The following GAS2 variants were observed in gnomAD, a reference collection of about 807,000 sequenced individuals.
GAS2 encodes growth arrest specific 2, also known as growth arrest-specific protein 2.
GAS2 carries 20 observed loss-of-function variants against 37.5 expected under a neutral mutation model. The ratio of observed to expected loss-of-function variants is 0.53; its 90% confidence interval spans 0.37 to 0.77. The LOEUF is 0.77. Ranked by LOEUF, GAS2 falls within the 30% of genes least tolerant of loss-of-function variation. The pLI is 0.00. For synonymous variants in GAS2, 144 were observed against 132.2 expected, an observed-to-expected ratio of 1.09 and a Z score of -0.61; for missense variants, 336 against 373.4, an observed-to-expected ratio of 0.90 and a Z score of 0.82.
rs1857219731 is a variant in GAS2, at chr11:22,812,350, T to G, written c.*334T>G. The G allele has an allele frequency of 5.4e-6, 1 of 186,874 alleles. No individual in the cohort carries two copies. Among genetic ancestry groups the G allele is most frequent in the South Asian group, 1.3e-4 (1 of 7,774 alleles). 11.6% of individuals were successfully genotyped at this position (186,874 alleles called of 1,614,324 possible). On this transcript the variant is annotated 3_prime_UTR_variant, in exon 8 of 8. Coordinates refer to ENST00000454584, the MANE Select transcript of GAS2 (RefSeq NM_001143830.3). ...GGAGAAAACATTTAGGATTTGCAGA[T>G]AAGTCAACAGAAAGTGCCTGCTTTA...
At chr11:22,629,237 C>A (rs141995280) in intron 1 of GAS2, among the ~76,000 whole-genome samples, 117 of 152,246 alleles carry the variant, frequency 7.7e-4, no homozygotes, top group Middle Eastern at 3.4e-3. Context: ...TTCTTTGAGA[C>A]GTCTCCATAC....
chr11:22,685,750 G>A lies in GAS2; in HGVS notation c.228G>A (p.Glu76=). Residue 76 remains glutamate (E), a synonymous_variant, in exon 3 of 8, where the codon GAG becomes GAA. Transcript: ENST00000454584. ...GTCAACTTGCAGAAACTATGCAGGA[G>A]AAATTCAAGGAGAGCATGGATGCTA... ...LLCQLAETMQ[E]KFKESMDANK... 6.2e-7 allele frequency: 1 copy of A among 1,613,664 alleles called. No homozygotes were observed. The highest frequency in any genetic ancestry group is 8.5e-7 in the Non-Finnish European group (1 of 1,179,792).
intron 7 of GAS2, among the ~76,000 whole-genome samples, chr11:22,780,456 C>A (rs1239229916): frequency 6.6e-6 from 1 of 151,292 alleles, no homozygotes; most frequent in Non-Finnish European, 1.5e-5. Flanking sequence ...AATCGTGCCA[C>A]TGCACTCCAG....
At chr11:22,659,883 AGGAAGGAAGGGAGGG>A (rs1406421829) in intron 1 of GAS2, among the ~76,000 whole-genome samples, 1 of 93,730 alleles carries the variant, frequency 1.1e-5, no homozygotes, top group African/African-American at 4.9e-5. Flanking sequence ...GGAGGGAGGA[AGGAAGGAAGGGAGGG>A]AGGAAGGGAG....
intron 1 of GAS2, among the ~76,000 whole-genome samples, chr11:22,645,165 T>C (rs889393270): frequency 2.0e-5 from 3 of 151,958 alleles, no homozygotes; most frequent in Non-Finnish European, 4.4e-5. Context: ...ACTGAGAGAA[T>C]TGTAGGGTAG....
At chr11:22,763,971 C>T (rs369408475) in intron 7 of GAS2, among the ~76,000 whole-genome samples, 1 of 152,146 alleles carries the variant, frequency 6.6e-6, no homozygotes, top group Non-Finnish European at 1.5e-5. Flanking sequence ...ACTAAAGACA[C>T]TCTCATTTGT....
intron 1 of GAS2, among the ~76,000 whole-genome samples, chr11:22,655,600 T>C (rs1848845787): frequency 6.6e-6 from 1 of 152,240 alleles, no homozygotes; most frequent in Admixed American, 6.5e-5. Context: ...AAATTACCAA[T>C]TTTCTTTGGG....
chr11:22,802,306 TGTG>T (rs1328127256), intron 7 of GAS2, among the ~76,000 whole-genome samples: 1 of 151,562 alleles, frequency 6.6e-6, no homozygotes, highest in Non-Finnish European at 1.5e-5. Context: ...GGGGGCCTGT[TGTG>T]GGGTGGAGGG....
At chr11:22,761,023 C>T (rs1021995802) in intron 7 of GAS2, among the ~76,000 whole-genome samples, 1 of 152,056 alleles carries the variant, frequency 6.6e-6, no homozygotes, top group Non-Finnish European at 1.5e-5. Flanking sequence ...TTGTTGTGAA[C>T]TTATAGCATA....
At chr11:22,679,011 T>C (rs1447493880) in intron 2 of GAS2, among the ~76,000 whole-genome samples, 2 of 152,116 alleles carry the variant, frequency 1.3e-5, no homozygotes, top group African/African-American at 4.8e-5. Flanking sequence ...CTTGTAATGT[T>C]AACTAGTTAA....
intron 1 of GAS2, among the ~76,000 whole-genome samples, chr11:22,645,913 G>A (rs1385474757): frequency 6.1e-5 from 9 of 148,696 alleles, no homozygotes; most frequent in African/African-American, 2.0e-4. Flanking sequence ...GCATGATCTC[G>A]GCTCACTGCA....
At chr11:22,747,640 G>GC (rs1277608321) in intron 5 of GAS2, among the ~76,000 whole-genome samples, 2 of 152,038 alleles carry the variant, frequency 1.3e-5, no homozygotes, top group African/African-American at 2.4e-5. Context: ...CAATAGACAT[G>GC]CTTGGTGTCT....
intron 7 of GAS2, among the ~76,000 whole-genome samples, chr11:22,758,212 T>A (rs113684413): frequency 2.0e-5 from 3 of 152,210 alleles, no homozygotes; most frequent in South Asian, 2.1e-4. Flanking sequence ...AACACCTGGA[T>A]TAAGTAGTAA....
At chr11:22,660,368 G>A (rs1197297731) in intron 1 of GAS2, among the ~76,000 whole-genome samples, 2 of 152,120 alleles carry the variant, frequency 1.3e-5, no homozygotes, top group African/African-American at 2.4e-5. Context: ...GTTGTAATGA[G>A]TCAATAAGAA....
intron 3 of GAS2, among the ~76,000 whole-genome samples, chr11:22,687,141 A>G (rs577460007): frequency 1.3e-5 from 2 of 152,180 alleles, no homozygotes; most frequent in East Asian, 1.9e-4. Flanking sequence ...CCTGGGCAAC[A>G]TGACAAAGCA....
chr11:22,655,449 A>T (rs1373902569), intron 1 of GAS2, among the ~76,000 whole-genome samples: 5 of 151,924 alleles, frequency 3.3e-5, no homozygotes, highest in Non-Finnish European at 5.9e-5. Context: ...AAACAGTATA[A>T]AAAAAAGGAA....
chr11:22,638,956 C>T (rs1024273847), intron 1 of GAS2, among the ~76,000 whole-genome samples: 1 of 151,958 alleles, frequency 6.6e-6, no homozygotes, highest in African/African-American at 2.4e-5. Flanking sequence ...TTATACTGAT[C>T]CCAACTCCAC....
intron 5 of GAS2, among the ~76,000 whole-genome samples, chr11:22,739,297 G>A (rs1031745824): frequency 3.0e-4 from 45 of 152,046 alleles, no homozygotes; most frequent in Admixed American, 1.8e-3. Context: ...GAAGTTGGCC[G>A]GGCGCTGTGG....
At chr11:22,741,033 A>G (rs1853046815) in intron 5 of GAS2, among the ~76,000 whole-genome samples, 1 of 152,170 alleles carries the variant, frequency 6.6e-6, no homozygotes, top group Non-Finnish European at 1.5e-5. Context: ...TTACATAAAC[A>G]TAATTTTAAA....
Sources: gnomAD v4.1 joint callset for allele counts (sites outside exome capture counted in the v4.1 genomes callset) on GRCh38, gnomAD v4.1.1 for gene constraint, MANE v1.5 for transcripts, NCBI Gene and HGNC (gene_info 2026-07-23, HGNC 2026-07-21) for gene names.